Variants in CDK13 observed in about 807,000 individuals in gnomAD.
The protein encoded by CDK13 is cyclin dependent kinase 13.
CDK13 carries 40 observed loss-of-function variants against 137.6 expected under a neutral mutation model. The ratio of observed to expected loss-of-function variants is 0.29; its 90% CI spans 0.23 to 0.38. The LOEUF is 0.38. Among genes scored for constraint, CDK13 ranks in the 10% least tolerant of loss-of-function variants. The probability of loss-of-function intolerance (pLI) is 1.00; values close to 1 mark genes in which losing one functional copy is unlikely to be tolerated. For synonymous variants in CDK13, 869 were observed against 760.1 expected, an observed-to-expected ratio of 1.14 and a Z score of -2.36; for missense variants, 1,704 against 1,951.8, an observed-to-expected ratio of 0.87 and a Z score of 2.39.
chr7:40,097,359 A>G lies in CDK13; in HGVS notation c.*2379A>G, dbSNP rs116837097. 81 of 152,234 alleles carry G rather than the reference A, an allele frequency of 5.3e-4. No homozygotes were observed. The highest frequency in any genetic ancestry group is 1.9e-3 in the African/African-American group (77 of 41,572). 9.4% of individuals were successfully genotyped at this position (152,234 alleles called of 1,614,324 possible). A position where few individuals can be genotyped will look rare whatever the true frequency, so the allele number is the denominator to read the frequency against. ...ACAATACAATGCTAAGACGTCATCA[A>G]TTGTAAGCTGCATCCCAGATTCAGA... On this transcript the variant is annotated 3_prime_UTR_variant, in exon 14 of 14. Coordinates refer to ENST00000181839, the MANE Select transcript of CDK13 (RefSeq NM_003718.5).
chr7:40,030,459 G>A (rs1785353391), intron 5 of CDK13, among the ~76,000 whole-genome samples: 2 of 114,636 alleles, frequency 1.7e-5, no homozygotes, highest in East Asian at 2.6e-4. Flanking sequence ...TGAGATAAGA[G>A]TCTTGGTCTG....
chr7:40,042,539 C>T (rs1343991023), intron 5 of CDK13, among the ~76,000 whole-genome samples: 1 of 132,012 alleles, frequency 7.6e-6, no homozygotes, highest in African/African-American at 2.9e-5. Context: ...AGTGCAGTGG[C>T]GCAATCACAG....
intron 5 of CDK13, among the ~76,000 whole-genome samples, chr7:40,014,996 T>C (rs1456034061): frequency 2.0e-5 from 3 of 152,158 alleles, no homozygotes; most frequent in Non-Finnish European, 4.4e-5. Flanking sequence ...AAAATATGTA[T>C]AAAATAGATT....
At chr7:40,048,852 A>C (rs1045082883) in intron 7 of CDK13, 4 of 151,364 alleles carry the variant, frequency 2.6e-5, no homozygotes, top group Non-Finnish European at 5.9e-5. Context: ...TCTAGAGTAG[A>C]GGTTTATAAG....
chr7:40,077,627 G>A (rs1427472385), intron 9 of CDK13, among the ~76,000 whole-genome samples: 1 of 152,230 alleles, frequency 6.6e-6, no homozygotes, highest in African/African-American at 2.4e-5. Flanking sequence ...GGCCTAGGCA[G>A]GTGGATCACT....
intron 12 of CDK13, among the ~76,000 whole-genome samples, chr7:40,091,364 T>A (rs1786919372): frequency 6.7e-6 from 1 of 149,316 alleles, no homozygotes; most frequent in Admixed American, 6.7e-5. Context: ...AATAAATAAA[T>A]AAAACAATTA....
chr7:40,089,715 A>AGC (rs1273495355), intron 12 of CDK13, among the ~76,000 whole-genome samples: 3 of 143,466 alleles, frequency 2.1e-5, no homozygotes, highest in Admixed American at 1.4e-4. Context: ...AGAGAGAGAG[A>AGC]GAGAGAGAGT....
At chr7:40,027,655 CTTTTTTTTTTTT>C (rs761581418) in intron 5 of CDK13, among the ~76,000 whole-genome samples, 2 of 89,714 alleles carry the variant, frequency 2.2e-5, no homozygotes, top group African/African-American at 1.1e-4. Context: ...CACCCTTGGG[CTTTTTTTTTTTT>C]TTTTTTTTTT....
chr7:40,021,103 GTATATA>G (rs146480658), intron 5 of CDK13, among the ~76,000 whole-genome samples: 668 of 42,536 alleles, frequency 0.016, 3 homozygotes, highest in Middle Eastern at 0.066. Flanking sequence ...GCAAACAAAC[GTATATA>G]TATATATATA....
chr7:40,010,721 C>T (rs900010381), intron 5 of CDK13, among the ~76,000 whole-genome samples: 9 of 152,082 alleles, frequency 5.9e-5, no homozygotes, highest in East Asian at 1.9e-4. Context: ...GCTCACCTGC[C>T]ACTCATCTGC....
At chr7:39,962,085 C>T (rs1307873767) in intron 1 of CDK13, among the ~76,000 whole-genome samples, 10 of 152,106 alleles carry the variant, frequency 6.6e-5, no homozygotes, top group African/African-American at 1.2e-4. Context: ...TGAATAGTGC[C>T]GCAATAAACA....
At chr7:39,999,140 T>C in intron 3 of CDK13, 1 of 355,258 alleles carries the variant, frequency 2.8e-6, no homozygotes, top group African/African-American at 2.1e-5. Flanking sequence ...TAAATACTTG[T>C]CTACAGAAGA....
At chr7:40,021,533 T>A (rs966220151) in intron 5 of CDK13, among the ~76,000 whole-genome samples, 7 of 152,116 alleles carry the variant, frequency 4.6e-5, no homozygotes, top group Non-Finnish European at 8.8e-5. Context: ...ACTTGATAAT[T>A]TTCTTACACA....
At position 40,090,458 on chromosome 7, in the gene CDK13, A is replaced by G. The variant is rs370568375; in HGVS notation, c.3235+2127A>G. Among the ~76,000 whole-genome samples, 60 of 152,284 alleles carry G rather than the reference A, an allele frequency of 3.9e-4. 1 individual carries two copies. The South Asian group carries it at 0.012, about 30-fold the overall frequency. ...AATCTCCGCCTCCCAGGTTCAAGTG[A>G]TTCTCCTGCCTCAGACTCCAGAGTA... On this transcript the variant is annotated intron_variant, in intron 12 of 13. Transcript: ENST00000181839.
intron 5 of CDK13, among the ~76,000 whole-genome samples, chr7:40,016,473 A>G (rs1346618393): frequency 2.6e-5 from 4 of 152,194 alleles, no homozygotes; most frequent in Non-Finnish European, 5.9e-5. Context: ...TTTATATAGT[A>G]GTTGATCCAT....
intron 7 of CDK13, among the ~76,000 whole-genome samples, chr7:40,058,432 C>G (rs1239796642): frequency 1.3e-5 from 2 of 151,726 alleles, no homozygotes; most frequent in Admixed American, 1.3e-4. Flanking sequence ...CCAAGCTACT[C>G]CAGAGGCAGG....
chr7:40,035,098 A>G (rs1785453849), intron 5 of CDK13, among the ~76,000 whole-genome samples: 1 of 152,074 alleles, frequency 6.6e-6, no homozygotes, highest in Non-Finnish European at 1.5e-5. Flanking sequence ...TGATACTAAT[A>G]TTTTTCTAAG....
intron 1 of CDK13, among the ~76,000 whole-genome samples, chr7:39,962,456 A>G (rs544036233): frequency 6.6e-6 from 1 of 152,180 alleles, no homozygotes; most frequent in Non-Finnish European, 1.5e-5. Context: ...GTCTGTTCAT[A>G]TCCTTCGCCC....
intron 7 of CDK13, 142 bp downstream of exon 7, chr7:40,048,019 C>T (rs955577617): frequency 8.0e-5 from 43 of 536,766 alleles, no homozygotes; most frequent in African/African-American, 7.7e-4. Flanking sequence ...AAATTTTATA[C>T]CATATTGGGT....
Sources: gnomAD v4.1 joint callset for allele counts (sites outside exome capture counted in the v4.1 genomes callset) on GRCh38, gnomAD v4.1.1 for gene constraint, MANE v1.5 for transcripts, NCBI Gene and HGNC (gene_info 2026-07-23, HGNC 2026-07-21) for gene names.